The following STK32B variants were observed in gnomAD, a reference collection of about 807,000 sequenced individuals.
STK32B encodes the protein serine/threonine-protein kinase 32B.
A neutral mutation model predicts 52.6 loss-of-function variants in STK32B; 43 were observed. The observed-to-expected ratio is 0.82, with a 90% CI of 0.64 to 1.05. The LOEUF (loss-of-function observed/expected upper bound fraction) is 1.05. Ranked by LOEUF, STK32B falls within the 50% of genes least tolerant of loss-of-function variation. The pLI is 0.00. For synonymous variants in STK32B, 238 were observed against 204.3 expected (o/e 1.17, Z -1.41); for missense variants, 621 against 534.6 (o/e 1.16, Z -1.59).
intron 4 of STK32B, among the ~76,000 whole-genome samples, chr4:5,392,176 T>C (rs1397653948): frequency 6.6e-6 from 1 of 152,244 alleles, no homozygotes; most frequent in Non-Finnish European, 1.5e-5. Flanking sequence ...GGCTCACGCC[T>C]GTAATCCCAA....
At chr4:5,205,667 T>G (rs1722509223) in intron 3 of STK32B, among the ~76,000 whole-genome samples, 1 of 150,784 alleles carries the variant, frequency 6.6e-6, no homozygotes, top group African/African-American at 2.4e-5. Context: ...GTGAGTGAGG[T>G]GGCAGAGGTT....
At chr4:5,483,334 G>C (rs1033396525) in intron 11 of STK32B, among the ~76,000 whole-genome samples, 12 of 151,898 alleles carry the variant, frequency 7.9e-5, no homozygotes, top group Non-Finnish European at 1.2e-4. Context: ...ATGTGTCCAG[G>C]AATTTATCCA....
At chr4:5,431,886 G>A (rs1713615127) in intron 6 of STK32B, among the ~76,000 whole-genome samples, 1 of 152,188 alleles carries the variant, frequency 6.6e-6, no homozygotes, top group Non-Finnish European at 1.5e-5. Context: ...AAAGGATTAA[G>A]AGAGAGGCCA....
chr4:5,391,107 C>T (rs371964879), intron 4 of STK32B, among the ~76,000 whole-genome samples: 10 of 151,830 alleles, frequency 6.6e-5, no homozygotes, highest in African/African-American at 1.5e-4. Context: ...TACAGGCACC[C>T]GCCACCACAC....
At chr4:5,025,676 TTCTCTACA>T in the STK32B span, among the ~76,000 whole-genome samples, 1 of 152,184 alleles carries the variant, frequency 6.6e-6, no homozygotes, top group African/African-American at 2.4e-5. Context: ...ATGTTCCCAT[TTCTCTACA>T]AGTGTTTTCT....
chr4:5,183,489 A>T (rs111402858), intron 3 of STK32B, among the ~76,000 whole-genome samples: 1 of 152,062 alleles, frequency 6.6e-6, no homozygotes, highest in Non-Finnish European at 1.5e-5. Context: ...AAAAAAAAAA[A>T]AAATTAAATT....
chr4:5,079,978 G>C (rs1015416589), intron 1 of STK32B, among the ~76,000 whole-genome samples: 6 of 152,040 alleles, frequency 3.9e-5, no homozygotes, highest in Non-Finnish European at 5.9e-5. Flanking sequence ...GAATATAGGG[G>C]GCTGTTGGCT....
intron 3 of STK32B, among the ~76,000 whole-genome samples, chr4:5,222,555 G>A (rs998566599): frequency 2.4e-4 from 36 of 152,146 alleles, no homozygotes; most frequent in African/African-American, 7.7e-4. Flanking sequence ...GAAAGACAAC[G>A]TTTGTTACAC....
chr4:5,310,522 A>G lies in STK32B; in HGVS notation c.261-20698A>G, dbSNP rs989153531. On this transcript the variant is annotated intron_variant, in intron 3 of 11. Transcript: ENST00000282908. The stretch of plus-strand genomic sequence containing the variant: ...ACCCCATTTATAATGGCTATCATCA[A>G]AAAGACAAAAATAACAAATGCTGGC... Among the ~76,000 whole-genome samples the G allele has an allele frequency of 3.3e-5, 5 of 152,276 alleles. No individual in the cohort carries two copies. In the South Asian group the frequency reaches 6.3e-4, roughly 19 times the overall value.
At chr4:5,081,725 T>C (rs1712441212) in intron 1 of STK32B, among the ~76,000 whole-genome samples, 1 of 152,200 alleles carries the variant, frequency 6.6e-6, no homozygotes, top group African/African-American at 2.4e-5. Flanking sequence ...GAATTCTTCT[T>C]TTAAAATATT....
chr4:5,365,381 G>T (rs6823114), intron 4 of STK32B, among the ~76,000 whole-genome samples: 7,557 of 152,210 alleles, frequency 0.05, 293 homozygotes, highest in African/African-American at 0.099. Context: ...ACAGTGCCTG[G>T]CACACAGTAG....
At chr4:5,213,047 T>C (rs1397538067) in intron 3 of STK32B, among the ~76,000 whole-genome samples, 1 of 152,222 alleles carries the variant, frequency 6.6e-6, no homozygotes, top group Non-Finnish European at 1.5e-5. Context: ...AAATAATATA[T>C]ACGTACATAT....
At chr4:5,449,357 T>C (rs4688933) in intron 7 of STK32B, among the ~76,000 whole-genome samples, 23,249 of 152,076 alleles carry the variant, frequency 0.15, 2,327 homozygotes, top group East Asian at 0.53. Context: ...ATAAAAAGGT[T>C]ATAGTGGGAA....
At chr4:5,459,493 G>A (rs1377704807) in intron 8 of STK32B, among the ~76,000 whole-genome samples, 1 of 152,228 alleles carries the variant, frequency 6.6e-6, no homozygotes, top group Non-Finnish European at 1.5e-5. Context: ...CTTGGCCCCT[G>A]TGCCTTTTCA....
intron 4 of STK32B, among the ~76,000 whole-genome samples, chr4:5,377,650 GTGAT>G (rs1240322298): frequency 6.6e-6 from 1 of 152,206 alleles, no homozygotes; most frequent in Non-Finnish European, 1.5e-5. Flanking sequence ...CAGGTAGGAG[GTGAT>G]TGGATCATGG....
chr4:5,056,111 C>A (rs1309182395), intron 1 of STK32B, among the ~76,000 whole-genome samples: 1 of 152,116 alleles, frequency 6.6e-6, no homozygotes, highest in Non-Finnish European at 1.5e-5. Context: ...GCATTAGGTT[C>A]TCATGGGAGT....
At position 5,323,278 on chromosome 4, in the gene STK32B, C is replaced by T. The variant is rs111782815; in HGVS notation, c.261-7942C>T. ...GGAATCACCTCCGAGGCACAGGAAACGGTGATCACCTGCAAGTCCCCCTCC... is the reference window on the plus strand; with the variant it reads ...GGAATCACCTCCGAGGCACAGGAAATGGTGATCACCTGCAAGTCCCCCTCC... On this transcript the variant is annotated intron_variant, in intron 3 of 11. Transcript: ENST00000282908. 4.0e-3 allele frequency among the ~76,000 whole-genome samples: 614 copies of T among 152,158 alleles called. 2 individuals carry two copies. Among genetic ancestry groups the T allele is most frequent in the African/African-American group, 0.014 (565 of 41,516 alleles).
chr4:5,457,565 C>T (rs1229623420), intron 8 of STK32B, among the ~76,000 whole-genome samples: 1 of 151,196 alleles, frequency 6.6e-6, no homozygotes, highest in Non-Finnish European at 1.5e-5. Flanking sequence ...ACTCAATGAC[C>T]TTTAAGAAAT....
intron 3 of STK32B, among the ~76,000 whole-genome samples, chr4:5,304,529 T>G (rs1452016750): frequency 2.0e-5 from 3 of 152,052 alleles, no homozygotes; most frequent in Non-Finnish European, 4.4e-5. Flanking sequence ...CATACATTAA[T>G]TTTATATTCA....
Sources: gnomAD v4.1 joint callset for allele counts (sites outside exome capture counted in the v4.1 genomes callset) on GRCh38, gnomAD v4.1.1 for gene constraint, MANE v1.5 for transcripts, NCBI Gene and HGNC (gene_info 2026-07-23, HGNC 2026-07-21) for gene names.